Variants in PCDHGA9 observed in about 807,000 individuals in gnomAD.
PCDHGA9 encodes the protein protocadherin gamma-A9.
In PCDHGA9, 37 loss-of-function variants were observed where a neutral mutation model predicts 62.5. The ratio of observed to expected loss-of-function variants is 0.59; its 90% confidence interval spans 0.46 to 0.78. The LOEUF is 0.78. PCDHGA9 is among the 30% of genes least tolerant of loss of function. The pLI is 0.00. For missense variants in PCDHGA9, 1,138 were observed against 1,166.2 expected (o/e 0.98, Z 0.35); for synonymous variants, 459 against 484.6 (o/e 0.95, Z 0.69).
Position 141,491,608 on chromosome 5 carries a change from C to T in PCDHGA9, c.2425-3199C>T. On this transcript the variant is annotated intron_variant, in intron 1 of 3. Transcript: ENST00000573521. This position sits in a 1 kb window ranked among gnomAD's most constrained non-coding sequence, Gnocchi z 6.9. Reference sequence around the variant, plus strand: ...CTCGGACGGCAGTGACTTCACTTTTCTAAGACCCCTCAGCGTTCAGCAGCC... The same window carrying T: ...CTCGGACGGCAGTGACTTCACTTTTTTAAGACCCCTCAGCGTTCAGCAGCC... 6.2e-7 allele frequency: 1 copy of T among 1,613,942 alleles called. No individual in the cohort carries two copies. The highest frequency in any genetic ancestry group is 1.1e-5 in the South Asian group (1 of 91,086).
rs143779180 is a variant in PCDHGA9, at chr5:141,485,438, C to T, written c.2425-9369C>T. Reference sequence around the variant, plus strand: ...CAGCGGAGCCCTGCTCATCAAGAACCCAATCGACCGAGAGGCACTGTGTGG... The same window carrying T: ...CAGCGGAGCCCTGCTCATCAAGAACTCAATCGACCGAGAGGCACTGTGTGG... On this transcript the variant is annotated intron_variant, in intron 1 of 3. Transcript: ENST00000573521. This position sits in a 1 kb window ranked among gnomAD's most constrained non-coding sequence, Gnocchi z 5.7. 2.9e-5 allele frequency: 47 copies of T among 1,614,052 alleles called. No individual in the cohort carries two copies. The highest frequency in any genetic ancestry group is 4.0e-5 in the African/African-American group (3 of 74,924).
At chr5:141,427,276 T>G (rs1281222927) in intron 1 of PCDHGA9, 1 of 456,754 alleles carries the variant, frequency 2.2e-6, no homozygotes, top group Non-Finnish European at 4.4e-6. Context: ...GAATGTAAAA[T>G]TATACTAGAA....
intron 1 of PCDHGA9, among the ~76,000 whole-genome samples, chr5:141,430,329 T>G (rs1466381565): frequency 1.3e-5 from 2 of 151,776 alleles, no homozygotes; most frequent in Non-Finnish European, 2.9e-5. Flanking sequence ...AATCATTGTT[T>G]ATAGAAACTT....
chr5:141,474,626 G>A (rs1006911535), intron 1 of PCDHGA9, among the ~76,000 whole-genome samples: 5 of 152,288 alleles, frequency 3.3e-5, no homozygotes, highest in African/African-American at 9.6e-5. Flanking sequence ...CATCTCTTCC[G>A]GAAATATCCT....
chr5:141,413,441 T>C (rs760538286), intron 1 of PCDHGA9: 1 of 1,614,056 alleles, frequency 6.2e-7, no homozygotes, highest in Non-Finnish European at 8.5e-7. Flanking sequence ...GGCAGCTTGA[T>C]CACCGCGGGC....
At chr5:141,435,877 G>A (rs1554127514) in intron 1 of PCDHGA9, among the ~76,000 whole-genome samples, 1 of 152,092 alleles carries the variant, frequency 6.6e-6, no homozygotes, top group Non-Finnish European at 1.5e-5. Flanking sequence ...AAAAGAGATT[G>A]GAAACCCCTT....
intron 1 of PCDHGA9, chr5:141,422,639 C>T (rs777330051): frequency 3.7e-6 from 6 of 1,612,780 alleles, no homozygotes; most frequent in South Asian, 2.2e-5. Flanking sequence ...AGGGGTGCCT[C>T]CATCTTCTCA....
intron 1 of PCDHGA9, among the ~76,000 whole-genome samples, chr5:141,469,088 G>A (rs1388316490): frequency 6.6e-6 from 1 of 151,604 alleles, no homozygotes; most frequent in Non-Finnish European, 1.5e-5. Context: ...ACCATTCTAG[G>A]CAACAAAGCA....
chr5:141,492,558 G>A (rs879634396), intron 1 of PCDHGA9, among the ~76,000 whole-genome samples: 1 of 152,236 alleles, frequency 6.6e-6, no homozygotes, highest in South Asian at 2.1e-4. Context: ...CGCCTGGGGG[G>A]CGGCCTGAGC....
chr5:141,490,908 C>T lies in PCDHGA9; in HGVS notation c.2425-3899C>T, dbSNP rs201078924. On this transcript the variant is annotated intron_variant, in intron 1 of 3. Coordinates refer to ENST00000573521, the MANE Select transcript of PCDHGA9 (RefSeq NM_018921.3). This position sits in a 1 kb window ranked among gnomAD's most constrained non-coding sequence, Gnocchi z 5.4. The stretch of plus-strand genomic sequence containing the variant: ...CATCTCTGCATGTGTTTGTCCTAGA[C>T]GAGAATGATAATGCCCCAGCTGTGC... 42 of 1,613,710 alleles carry T rather than the reference C, an allele frequency of 2.6e-5. No homozygotes were observed. The highest frequency in any genetic ancestry group is 8.3e-5 in the Admixed American group (5 of 60,018).
intron 2 of PCDHGA9, among the ~76,000 whole-genome samples, chr5:141,499,496 T>C (rs1167360015): frequency 6.6e-6 from 1 of 152,182 alleles, no homozygotes; most frequent in East Asian, 1.9e-4. Flanking sequence ...CAGTTTAATA[T>C]GAAACATTTC....
chr5:141,439,652 T>G (rs1047430832), intron 1 of PCDHGA9, among the ~76,000 whole-genome samples: 1 of 152,208 alleles, frequency 6.6e-6, no homozygotes, highest in African/African-American at 2.4e-5. Context: ...GTGGCTTTTC[T>G]AATTTCATGG....
intron 2 of PCDHGA9, among the ~76,000 whole-genome samples, chr5:141,505,050 T>C (rs1190927211): frequency 2.0e-5 from 3 of 152,130 alleles, no homozygotes; most frequent in Non-Finnish European, 4.4e-5. Context: ...TCATCCCAGC[T>C]ACTTGGGAGA....
rs1177043977 is a variant in PCDHGA9, at chr5:141,491,919, C to G, written c.2425-2888C>G. On this transcript the variant is annotated intron_variant, in intron 1 of 3. Coordinates refer to ENST00000573521, the MANE Select transcript of PCDHGA9 (RefSeq NM_018921.3). The surrounding 1 kb of genome is among the most constrained non-coding windows in gnomAD (Gnocchi z 6.9). ...CACCGGGGGTGGTGGCGACTGTGGG[C>G]GAGGGGAGGTGGGACCGACCCCCAC... 5 of 1,361,900 alleles carry G rather than the reference C, an allele frequency of 3.7e-6. No homozygotes were observed. The South Asian group carries it at 7.8e-5, about 21-fold the overall frequency. The allele number at this position is 1,361,900 out of a possible 1,614,324, so 84.4% of individuals were successfully genotyped here. A position where few individuals can be genotyped will look rare whatever the true frequency, so the allele number is the denominator to read the frequency against.
intron 1 of PCDHGA9, chr5:141,442,421 T>G (rs1288481455): frequency 1.3e-5 from 2 of 152,290 alleles, no homozygotes; most frequent in East Asian, 3.9e-4. Flanking sequence ...TGAACTTCTT[T>G]TTTGAATCCC....
chr5:141,410,215 A>G (rs2095369286), intron 1 of PCDHGA9: 11 of 1,613,894 alleles, frequency 6.8e-6, no homozygotes, highest in Non-Finnish European at 8.5e-6. Flanking sequence ...TGCAAGAGAT[A>G]CTGCCAGACC....
chr5:141,413,656 G>A, intron 1 of PCDHGA9: 1 of 1,613,872 alleles, frequency 6.2e-7, no homozygotes, highest in Non-Finnish European at 8.5e-7. Flanking sequence ...TCTCCCGGAA[G>A]CTATTGATCC....
chr5:141,403,083 T>C lies in PCDHGA9; in HGVS notation c.131T>C (p.Ile44Thr), dbSNP rs775664314. 7 of 1,613,932 alleles carry C rather than the reference T, an allele frequency of 4.3e-6. No individual in the cohort carries two copies. The highest frequency in any genetic ancestry group is 2.7e-5 in the African/African-American group (2 of 74,948). ...CCTGAAGAGACAGAAAAGGGCTATATTGTGGGCAACATCTCCAAGGACCTG... is the reference window on the plus strand; with the variant it reads ...CCTGAAGAGACAGAAAAGGGCTATACTGTGGGCAACATCTCCAAGGACCTG... ...SVPEETEKGY[I>T]VGNISKDLAL... The change falls in exon 1 of 4, where the codon ATT becomes ACT. Residue 44 changes from isoleucine (I) to threonine (T), a missense_variant. Transcript: ENST00000573521.
rs767701229 is a variant in PCDHGA9, at chr5:141,405,417, T to TTTTTG, written c.2424+56_2424+60dup. 250 of 1,563,234 alleles carry TTTTTG rather than the reference T, an allele frequency of 1.6e-4. 1 individual carries two copies. Among genetic ancestry groups the TTTTTG allele is most frequent in the Admixed American group, 1.3e-4 (7 of 55,240 alleles). On this transcript the variant is annotated intron_variant, in intron 1 of 3. Coordinates refer to ENST00000573521, the MANE Select transcript of PCDHGA9 (RefSeq NM_018921.3). The stretch of plus-strand genomic sequence containing the variant: ...TTCTTTCTTTCTTTTCTTTTTTTGT[T>TTTTTG]TTTTGTTTTGTTTTGTTTTTGAGAC...
Sources: gnomAD v4.1 joint callset for allele counts (sites outside exome capture counted in the v4.1 genomes callset) on GRCh38, gnomAD v4.1.1 for gene constraint, Gnocchi (gnomAD v3.1) non-coding constraint, MANE v1.5 for transcripts, NCBI Gene and HGNC (gene_info 2026-07-23, HGNC 2026-07-21) for gene names.